EXD1: variants seen among roughly 807,000 people sequenced by gnomAD.
EXD1 encodes piRNA biogenesis protein EXD1.
A neutral mutation model predicts 49.1 loss-of-function variants in EXD1; 63 were observed. The observed-to-expected ratio is 1.28, with a 90% CI of 1.05 to 1.58. The LOEUF is 1.58. Ranked by LOEUF, EXD1 falls within the 40% of genes most tolerant of loss-of-function variation. The pLI, the probability that EXD1 is intolerant of heterozygous loss-of-function variation, is 0.00. For missense variants in EXD1, 748 were observed against 666.0 expected (o/e 1.12, Z -1.36); for synonymous variants, 234 against 239.2 (o/e 0.98, Z 0.20).
Position 41,191,581 on chromosome 15 carries a change from G to A in EXD1, c.725C>T (p.Ala242Val), listed in dbSNP as rs975547791. 13 of 1,613,750 alleles carry A rather than the reference G, an allele frequency of 8.1e-6. No homozygotes were observed. The East Asian group carries it at 2.9e-4, about 36-fold the overall frequency. ...LLNNVFDTQV[A>V]DVLQFSMETG... ...TTCCATGGAAAACTGAAGTACATCT[G>A]CTACCTGTGGTATTTTAAAAAGACA... The change falls in exon 10 of 12, where the codon GCA (alanine) becomes GTA (valine). Residue 242 changes from alanine (A) to valine (V), a missense_variant. Coordinates refer to ENST00000458580, the MANE Select transcript of EXD1 (RefSeq NM_001286441.2).
Position 41,187,235 on chromosome 15 carries a change from A to G in EXD1, c.1057-2642T>C, listed in dbSNP as rs555039128. Among the ~76,000 whole-genome samples the G allele has an allele frequency of 3.3e-5, 5 of 151,896 alleles. No homozygotes were observed. In the East Asian group the frequency reaches 9.7e-4, roughly 29 times the overall value. On this transcript the variant is annotated intron_variant, in intron 11 of 11. Transcript: ENST00000458580. ...CTCCCAAGTAGCTGGGATTACAGGC[A>G]TGCACCACCATGCCCAGCTAATTTT...
chr15:41,212,822 T>A (rs1302178022), intron 6 of EXD1, among the ~76,000 whole-genome samples: 1 of 152,186 alleles, frequency 6.6e-6, no homozygotes, highest in Non-Finnish European at 1.5e-5. Flanking sequence ...GTGGATTGCT[T>A]GAGCCCAGTA....
chr15:41,206,495 A>C (rs1054584834), intron 7 of EXD1, among the ~76,000 whole-genome samples: 7 of 148,910 alleles, frequency 4.7e-5, no homozygotes, highest in East Asian at 3.9e-4. Flanking sequence ...AAAAAAAAAG[A>C]AACAGGAAAA....
intron 6 of EXD1, among the ~76,000 whole-genome samples, chr15:41,210,828 T>A (rs74012244): frequency 0.16 from 24,630 of 151,982 alleles, 3,667 homozygotes; most frequent in African/African-American, 0.4. Flanking sequence ...TTATAGGTAG[T>A]TCAATTATTC....
At chr15:41,226,302 T>C in intron 2 of EXD1, 141 bp downstream of exon 2, 1 of 830,284 alleles carries the variant, frequency 1.2e-6, no homozygotes, top group Non-Finnish European at 1.8e-6. Flanking sequence ...TTGTTCTGTT[T>C]GGGAAAACAA....
chr15:41,216,631 C>CA (rs371128554), intron 5 of EXD1, 37 bp downstream of exon 5: 52,253 of 900,468 alleles, frequency 0.058, no homozygotes, highest in South Asian at 0.076. Flanking sequence ...AACTCCATCT[C>CA]AAAAAAAAAA....
At chr15:41,194,662 A>G (rs2046582480) in intron 9 of EXD1, among the ~76,000 whole-genome samples, 1 of 152,250 alleles carries the variant, frequency 6.6e-6, no homozygotes, top group Admixed American at 6.5e-5. Flanking sequence ...ACACTGTTAT[A>G]GAAAAAGAAA....
chr15:41,213,097 T>A (rs919788645), intron 6 of EXD1, among the ~76,000 whole-genome samples: 1 of 152,126 alleles, frequency 6.6e-6, no homozygotes, highest in Non-Finnish European at 1.5e-5. Context: ...ATAAGTGAAA[T>A]ACTGATATAA....
At position 41,193,528 on chromosome 15, in the gene EXD1, C is replaced by T. The variant is rs972653464; in HGVS notation, c.721-1943G>A. Among the ~76,000 whole-genome samples, 29 of 152,040 alleles carry T rather than the reference C, an allele frequency of 1.9e-4. 1 individual carries two copies. Among genetic ancestry groups the T allele is most frequent in the African/African-American group, 1.4e-4 (6 of 41,500 alleles). ...CCAAGGCTAGAAGACTGTTTGAGGTCGGGAGTTCAAGACCAGCCTGGACAA... is the reference window on the plus strand; with the variant it reads ...CCAAGGCTAGAAGACTGTTTGAGGTTGGGAGTTCAAGACCAGCCTGGACAA... On this transcript the variant is annotated intron_variant, in intron 9 of 11. Transcript: ENST00000458580.
Position 41,219,873 on chromosome 15 carries a change from A to G in EXD1, c.159T>C (p.Ser53=). The G allele has an allele frequency of 6.5e-7, 1 of 1,535,732 alleles. No individual in the cohort carries two copies. The highest frequency in any genetic ancestry group is 8.7e-7 in the Non-Finnish European group (1 of 1,146,752). Residue 53 remains serine, a synonymous_variant, in exon 3 of 12, where the codon AGT becomes AGC. Transcript: ENST00000458580. ...CAAAAAACAACTTCACTCCTGGGAC[A>G]CTTCGACCTGTCTCCACATTCTTCA... is the stretch of plus-strand genomic sequence containing the variant. ...KKVKNVETGR[S]VPGVKLFFGH...
chr15:41,224,839 T>C (rs915874833), intron 2 of EXD1, among the ~76,000 whole-genome samples: 1 of 151,950 alleles, frequency 6.6e-6, no homozygotes, highest in African/African-American at 2.4e-5. Context: ...GTTACATAAG[T>C]GTAGTCCCAG....
chr15:41,210,409 T>C (rs1369570765), intron 6 of EXD1, among the ~76,000 whole-genome samples: 1 of 152,126 alleles, frequency 6.6e-6, no homozygotes, highest in Non-Finnish European at 1.5e-5. Context: ...ACTGAAATAG[T>C]GGCTGGGCGC....
chr15:41,188,475 C>T (rs1220208164), intron 11 of EXD1, among the ~76,000 whole-genome samples: 1 of 151,912 alleles, frequency 6.6e-6, no homozygotes, highest in African/African-American at 2.4e-5. Flanking sequence ...TCACTGCAAC[C>T]CCTACCTCCT....
chr15:41,226,308 A>G, intron 2 of EXD1, 135 bp downstream of exon 2: 1 of 873,260 alleles, frequency 1.1e-6, no homozygotes, highest in Non-Finnish European at 1.7e-6. Flanking sequence ...TGTTTGGGAA[A>G]ACAATATTCT....
chr15:41,201,961 G>A (rs1566982190), intron 7 of EXD1, among the ~76,000 whole-genome samples: 1 of 151,840 alleles, frequency 6.6e-6, no homozygotes, highest in Non-Finnish European at 1.5e-5. Flanking sequence ...AAGACTAGCT[G>A]GGGCAACAAA....
chr15:41,216,854 C>G (rs2047007422), intron 4 of EXD1, 59 bp from the exon 5 acceptor site: 1 of 1,597,702 alleles, frequency 6.3e-7, no homozygotes, highest in Non-Finnish European at 8.5e-7. Context: ...ACACCAAAAA[C>G]AGATTTTGCC....
intron 9 of EXD1, among the ~76,000 whole-genome samples, chr15:41,192,899 C>T (rs921943231): frequency 6.0e-5 from 9 of 149,938 alleles, no homozygotes; most frequent in African/African-American, 2.2e-4. Context: ...GGGTTCACGC[C>T]ATTCTCCTGC....
intron 6 of EXD1, among the ~76,000 whole-genome samples, chr15:41,213,865 T>C (rs1397710602): frequency 6.6e-6 from 1 of 152,200 alleles, no homozygotes; most frequent in Non-Finnish European, 1.5e-5. Flanking sequence ...GCTGTACATT[T>C]TAACTAAATA....
Position 41,230,582 on chromosome 15 carries a change from C to T in EXD1, c.-157G>A, listed in dbSNP as rs1430270545. Reference sequence around the variant, plus strand: ...TCAGCCAAGTGGTGCGTTCCTCGAACTTCAGTCTAGAACTAAAAGAAGAGG... The same window carrying T: ...TCAGCCAAGTGGTGCGTTCCTCGAATTTCAGTCTAGAACTAAAAGAAGAGG... On this transcript the variant is annotated 5_prime_UTR_variant, in exon 1 of 12. Transcript: ENST00000458580. 6.2e-7 allele frequency: 1 copy of T among 1,610,082 alleles called. No individual in the cohort carries two copies. Among genetic ancestry groups the T allele is most frequent in the Non-Finnish European group, 8.5e-7 (1 of 1,176,696 alleles).
Sources: gnomAD v4.1 joint callset for allele counts (sites outside exome capture counted in the v4.1 genomes callset) on GRCh38, gnomAD v4.1.1 for gene constraint, MANE v1.5 for transcripts, NCBI Gene and HGNC (gene_info 2026-07-23, HGNC 2026-07-21) for gene names.